Variants in COL8A1 observed in about 807,000 individuals in gnomAD.
The protein encoded by COL8A1 is collagen alpha-1(VIII) chain.
COL8A1 carries 21 observed loss-of-function variants against 42.7 expected under a neutral mutation model. That is an observed-to-expected ratio of 0.49 (90% CI 0.35 to 0.71). The LOEUF is 0.71. Ranked by LOEUF, COL8A1 falls within the 30% of genes least tolerant of loss-of-function variation. The probability of loss-of-function intolerance (pLI) is 0.01; values close to 1 mark genes in which losing one functional copy is unlikely to be tolerated. For missense variants in COL8A1, 788 were observed against 962.4 expected, an observed-to-expected ratio of 0.82 and a Z score of 2.40; for synonymous variants, 367 against 369.1, an observed-to-expected ratio of 0.99 and a Z score of 0.06.
intron 1 of COL8A1, among the ~76,000 whole-genome samples, chr3:99,734,714 G>C (rs1375573847): frequency 6.6e-6 from 1 of 151,756 alleles, no homozygotes; most frequent in African/African-American, 2.4e-5. Flanking sequence ...GATGGGGATG[G>C]CATTGAATCT....
In COL8A1 at chr3:99,787,793, C is replaced by T. The variant is rs1273228958; in HGVS notation, c.-3-2887C>T. On this transcript the variant is annotated intron_variant, in intron 2 of 3. Transcript: ENST00000652472. ...TATGACATGACACCCATCACTAAGC[C>T]AGCCTGGCTGGCAAAGATTCAATGT... is the stretch of plus-strand genomic sequence containing the variant. 2.6e-5 allele frequency among the ~76,000 whole-genome samples: 4 copies of T among 152,144 alleles called. No individual in the cohort carries two copies. In the East Asian group the frequency reaches 7.7e-4, roughly 29 times the overall value.
At chr3:99,734,060 CAT>C (rs1372495834) in intron 1 of COL8A1, among the ~76,000 whole-genome samples, 24 of 151,982 alleles carry the variant, frequency 1.6e-4, no homozygotes, top group Non-Finnish European at 4.4e-5. Flanking sequence ...CCCTTTGTCA[CAT>C]GAGTAGGTTG....
chr3:99,661,122 AT>A (rs537977732), intron 1 of COL8A1, among the ~76,000 whole-genome samples: 2 of 152,212 alleles, frequency 1.3e-5, no homozygotes, highest in Non-Finnish European at 2.9e-5. Flanking sequence ...GGATATAAAA[AT>A]AATGGTGTTC....
intron 1 of COL8A1, 69 bp from the exon 2 acceptor site, chr3:99,744,828 C>G (rs1479293484): frequency 2.8e-5 from 2 of 70,354 alleles, no homozygotes; most frequent in African/African-American, 1.9e-4. Context: ...CTCCTATGAT[C>G]CAGAATAATA....
At chr3:99,659,742 A>G (rs1055295760) in intron 1 of COL8A1, among the ~76,000 whole-genome samples, 5 of 152,146 alleles carry the variant, frequency 3.3e-5, no homozygotes, top group African/African-American at 7.2e-5. Context: ...GATCATGTCC[A>G]TAATCTGCCA....
At chr3:99,776,733 T>C (rs1352678603) in intron 2 of COL8A1, among the ~76,000 whole-genome samples, 1 of 152,192 alleles carries the variant, frequency 6.6e-6, no homozygotes, top group Non-Finnish European at 1.5e-5. Context: ...TGCAGCAGCT[T>C]GGGCTGCTTA....
chr3:99,734,625 C>T (rs1029920836), intron 1 of COL8A1, among the ~76,000 whole-genome samples: 37 of 152,000 alleles, frequency 2.4e-4, no homozygotes, highest in East Asian at 5.8e-4. Context: ...ATTGACTTGG[C>T]GATGCGGGCT....
chr3:99,659,996 T>G (rs1046469119), intron 1 of COL8A1, among the ~76,000 whole-genome samples: 2 of 152,210 alleles, frequency 1.3e-5, no homozygotes, highest in African/African-American at 4.8e-5. Flanking sequence ...AAACATATTT[T>G]TACAAGCAAA....
chr3:99,759,737 T>C (rs1186554162), intron 2 of COL8A1, among the ~76,000 whole-genome samples: 3 of 152,212 alleles, frequency 2.0e-5, no homozygotes, highest in African/African-American at 7.2e-5. Context: ...AAGCCAGTTG[T>C]TTCAACCGTA....
chr3:99,738,867 A>C (rs933877411), intron 1 of COL8A1, among the ~76,000 whole-genome samples: 16 of 152,038 alleles, frequency 1.1e-4, no homozygotes, highest in Non-Finnish European at 1.0e-4. Flanking sequence ...TGTGCTAGCA[A>C]TCAGCGAGAT....
intron 2 of COL8A1, among the ~76,000 whole-genome samples, chr3:99,762,749 G>A (rs1373592902): frequency 1.3e-5 from 2 of 152,212 alleles, no homozygotes; most frequent in African/African-American, 2.4e-5. Context: ...AAGGGTTTAA[G>A]ATCATCTGCA....
intron 1 of COL8A1, among the ~76,000 whole-genome samples, chr3:99,730,768 T>G: frequency 6.6e-6 from 1 of 152,186 alleles, no homozygotes; most frequent in East Asian, 1.9e-4. Context: ...TTTAAAATAC[T>G]GATTTGACAA....
At chr3:99,673,053 G>C (rs1938592232) in intron 1 of COL8A1, among the ~76,000 whole-genome samples, 1 of 152,000 alleles carries the variant, frequency 6.6e-6, no homozygotes, top group African/African-American at 2.4e-5. Flanking sequence ...TCCCAGGACT[G>C]TCTCTGAACC....
intron 2 of COL8A1, among the ~76,000 whole-genome samples, chr3:99,769,631 A>G (rs1441188184): frequency 3.3e-5 from 5 of 152,186 alleles, no homozygotes; most frequent in Non-Finnish European, 2.9e-5. Context: ...GTAACAAAAG[A>G]CAGATTGGGC....
chr3:99,758,750 A>G (rs1941308701), intron 2 of COL8A1, among the ~76,000 whole-genome samples: 1 of 152,128 alleles, frequency 6.6e-6, no homozygotes, highest in African/African-American at 2.4e-5. Flanking sequence ...TACTTCACTG[A>G]AGTCTGATTT....
At chr3:99,692,958 A>T (rs1018141883) in intron 1 of COL8A1, among the ~76,000 whole-genome samples, 1 of 152,258 alleles carries the variant, frequency 6.6e-6, no homozygotes, top group Non-Finnish European at 1.5e-5. Context: ...CAGGAGTTCA[A>T]GACAAACCTG....
chr3:99,740,284 C>T (rs1310701963), intron 1 of COL8A1, among the ~76,000 whole-genome samples: 2 of 152,188 alleles, frequency 1.3e-5, no homozygotes, highest in African/African-American at 2.4e-5. Context: ...TCCAAAGTCG[C>T]TTCCACATTT....
chr3:99,723,700 A>C lies in COL8A1; in HGVS notation c.-128-21197A>C, dbSNP rs544683038. 2.0e-5 allele frequency among the ~76,000 whole-genome samples: 3 copies of C among 152,220 alleles called. No individual in the cohort carries two copies. The East Asian group carries it at 5.8e-4, about 29-fold the overall frequency. ...AATCTCTTAGAAAAACCTAAACCTA[A>C]GTAGCAATACATGTACCCTCTGAGT... is the stretch of plus-strand genomic sequence containing the variant. On this transcript the variant is annotated intron_variant, in intron 1 of 3. Transcript: ENST00000652472.
At chr3:99,748,101 G>A (rs537415996) in intron 2 of COL8A1, among the ~76,000 whole-genome samples, 1 of 152,106 alleles carries the variant, frequency 6.6e-6, no homozygotes, top group African/African-American at 2.4e-5. Flanking sequence ...AGTTATTAAC[G>A]ATCCCCATTA....
Sources: allele counts gnomAD v4.1 joint callset (sites outside exome capture counted in the v4.1 genomes callset), GRCh38; gene constraint gnomAD v4.1.1; transcripts MANE v1.5; gene names NCBI Gene and HGNC (gene_info 2026-07-23, HGNC 2026-07-21).